Variants in VWF observed in about 807,000 individuals in gnomAD.
VWF encodes von Willebrand factor, also known as Factor VIII related antigen.
In VWF, 176 loss-of-function variants were observed where a neutral mutation model predicts 308.6. The ratio of observed to expected loss-of-function variants is 0.57; its 90% CI spans 0.50 to 0.65. The LOEUF (loss-of-function observed/expected upper bound fraction) is 0.65, where lower values mean the gene tolerates loss of function less well. VWF is among the 30% of genes least tolerant of loss of function. VWF has a pLI of 0.00. For synonymous variants in VWF, 1,385 were observed against 1,443.4 expected (o/e 0.96, Z 0.92); for missense variants, 3,146 against 3,648.2 (o/e 0.86, Z 3.55).
chr12:6,073,110 G>A (rs148844839), intron 8 of VWF, among the ~76,000 whole-genome samples: 66 of 152,148 alleles, frequency 4.3e-4, no homozygotes, highest in African/African-American at 1.5e-3. Flanking sequence ...CAAGTGATCC[G>A]CCCATCTCGG....
intron 38 of VWF, among the ~76,000 whole-genome samples, chr12:5,987,270 A>G (rs1943689917): frequency 6.6e-6 from 1 of 152,234 alleles, no homozygotes; most frequent in Non-Finnish European, 1.5e-5. Context: ...TGCCTCCCAC[A>G]GGTAACTAAT....
Position 6,011,959 on chromosome 12 carries a change from C to A in VWF, c.5664+128G>T, listed in dbSNP as rs55804572. ...AAAACACAAGATGTACAGATGGACC[C>A]GCAAAAACAAGATAATAGTAAAAGG... On this transcript the variant is annotated intron_variant, in intron 33 of 51. Coordinates refer to ENST00000261405, the MANE Select transcript of VWF (RefSeq NM_000552.5). The A allele has an allele frequency of 0.011, 15,450 of 1,359,714 alleles. 1,185 individuals are homozygous for A. The African/African-American group carries it at 0.18, about 16-fold the overall frequency. The allele number at this position is 1,359,714 out of a possible 1,614,324, so 84.2% of individuals were successfully genotyped here.
intron 5 of VWF, among the ~76,000 whole-genome samples, chr12:6,109,309 A>T (rs1303743689): frequency 2.7e-5 from 4 of 150,294 alleles, no homozygotes; most frequent in Non-Finnish European, 5.9e-5. Flanking sequence ...ATATACACAC[A>T]TATACAGTAT....
chr12:5,996,750 C>CAAAAAAAAAAAAAAAAAAAAA (rs61616182), intron 34 of VWF, among the ~76,000 whole-genome samples: 1 of 60,474 alleles, frequency 1.7e-5, no homozygotes, highest in South Asian at 5.8e-4. Context: ...TTTCCAGAGC[C>CAAAAAAAAAAAAAAAAAAAAA]AAAAAAAAAA....
At position 6,056,940 on chromosome 12, in the gene VWF, C is replaced by A. The variant is rs886049744; in HGVS notation, c.1862G>T (p.Cys621Phe). The A allele has an allele frequency of 6.5e-7, 1 of 1,536,328 alleles. No homozygotes were observed. The highest frequency in any genetic ancestry group is 1.2e-5 in the South Asian group (1 of 83,888). The change falls in exon 15 of 52, where the codon TGC becomes TTC. Residue 621 changes from cysteine to phenylalanine, a missense_variant. This residue lies in a region of VWF where 1,304 missense variants were observed against 1,353.0 expected (regional missense o/e 0.96). Coordinates refer to ENST00000261405, the MANE Select transcript of VWF (RefSeq NM_000552.5). ...ATAGCTGGCCAGGGCGCCGCACAGGCACTCGCGGCCGTCCGAGCAGGAGCA... is the reference window on the plus strand; with the variant it reads ...ATAGCTGGCCAGGGCGCCGCACAGGAACTCGCGGCCGTCCGAGCAGGAGCA... Reference protein sequence around the residue: ...DVCSCSDGRECLCGALASYAA... With the variant: ...DVCSCSDGREFLCGALASYAA...
At chr12:6,036,080 T>G (rs1417162258) in intron 19 of VWF, among the ~76,000 whole-genome samples, 2 of 152,236 alleles carry the variant, frequency 1.3e-5, no homozygotes, top group Non-Finnish European at 2.9e-5. Flanking sequence ...CTAAGACACC[T>G]CATTATGTAT....
Position 6,072,328 on chromosome 12 carries a change from T to C in VWF, c.1109+3A>G. 3.1e-6 allele frequency: 5 copies of C among 1,613,200 alleles called. No homozygotes were observed. The South Asian group carries it at 3.3e-5, about 11-fold the overall frequency. On this transcript the variant is annotated splice_donor_region_variant and intron_variant, in intron 9 of 51. Transcript: ENST00000261405. ...CCAGAGCACGCTGCGCAGCCCCCAT[T>C]ACCAGGTGTTGCAGTCTCGAGAGAG...
intron 28 of VWF, 22 bp downstream of exon 28, chr12:6,018,343 T>C (rs571409895): frequency 1.1e-5 from 17 of 1,603,910 alleles, no homozygotes; most frequent in African/African-American, 9.4e-5. Flanking sequence ...CCCTCCCACC[T>C]GCACACAAGG....
At chr12:6,035,512 T>C (rs543333211) in intron 19 of VWF, among the ~76,000 whole-genome samples, 1 of 152,226 alleles carries the variant, frequency 6.6e-6, no homozygotes, top group African/African-American at 2.4e-5. Flanking sequence ...AGTAGGCCTC[T>C]TTCCAAGGCT....
chr12:6,042,726 A>G (rs780224397), intron 18 of VWF, among the ~76,000 whole-genome samples: 1 of 152,202 alleles, frequency 6.6e-6, no homozygotes, highest in Non-Finnish European at 1.5e-5. Flanking sequence ...CACAGCCTGT[A>G]TTTGAGGTCC....
At chr12:6,030,739 C>G (rs1313754153) in intron 21 of VWF, among the ~76,000 whole-genome samples, 1 of 152,178 alleles carries the variant, frequency 6.6e-6, no homozygotes, top group East Asian at 1.9e-4. Flanking sequence ...CTTTTGAGCT[C>G]CTTTCTGGCC....
At chr12:5,953,689 T>C (rs1943219340) in intron 47 of VWF, 95 bp from the exon 48 acceptor site, 1 of 939,832 alleles carries the variant, frequency 1.1e-6, no homozygotes, top group East Asian at 2.4e-5. Context: ...ATCTCTCTCA[T>C]CCAGTAGTTT....
intron 5 of VWF, 145 bp from the exon 6 acceptor site, chr12:6,095,729 TGGAGTGCAGC>T (rs1945098883): frequency 8.6e-7 from 1 of 1,162,554 alleles, no homozygotes; most frequent in East Asian, 2.6e-5. Flanking sequence ...TTTCCCAGGC[TGGAGTGCAGC>T]GGCTATTCAC....
chr12:5,977,435 C>T (rs1197609241), intron 42 of VWF, among the ~76,000 whole-genome samples: 1 of 152,130 alleles, frequency 6.6e-6, no homozygotes, highest in African/African-American at 2.4e-5. Flanking sequence ...CACACTGATA[C>T]AGAATAATCT....
chr12:5,985,516 G>T, intron 39 of VWF, 47 bp downstream of exon 39: 1 of 1,585,358 alleles, frequency 6.3e-7, no homozygotes, highest in Non-Finnish European at 8.6e-7. Context: ...GGCCTTGCAG[G>T]GGCCCTTGTT....
At chr12:6,106,887 A>C (rs1389150658) in intron 5 of VWF, among the ~76,000 whole-genome samples, 1 of 150,660 alleles carries the variant, frequency 6.6e-6, no homozygotes, top group African/African-American at 2.4e-5. Context: ...AAAAAAAAAA[A>C]AAAAAAAAAA....
intron 47 of VWF, among the ~76,000 whole-genome samples, chr12:5,964,219 A>AATAAATACATACATAC (rs1555189771): frequency 3.6e-4 from 43 of 118,228 alleles, no homozygotes; most frequent in African/African-American, 1.5e-3. Flanking sequence ...TCTGTCTAAA[A>AATAAATACATACATAC]ATACATACAT....
At chr12:5,972,584 T>C (rs1477870308) in intron 43 of VWF, among the ~76,000 whole-genome samples, 1 of 152,192 alleles carries the variant, frequency 6.6e-6, no homozygotes, top group Non-Finnish European at 1.5e-5. Context: ...AATCTGAAGA[T>C]GCACAACACG....
chr12:6,039,882 C>T (rs1944378703), intron 18 of VWF, among the ~76,000 whole-genome samples: 1 of 152,092 alleles, frequency 6.6e-6, no homozygotes, highest in African/African-American at 2.4e-5. Flanking sequence ...CAAGAGGCTC[C>T]TAATACCAGC....
Sources: gnomAD v4.1 joint callset for allele counts (sites outside exome capture counted in the v4.1 genomes callset) on GRCh38, gnomAD v4.1.1 for gene constraint, gnomAD v4.1.1 regional missense constraint, MANE v1.5 for transcripts, NCBI Gene and HGNC (gene_info 2026-07-23, HGNC 2026-07-21) for gene names.